Variants in LRP1B observed in about 807,000 individuals in gnomAD.
LRP1B encodes the protein low-density lipoprotein receptor-related protein 1B.
A neutral mutation model predicts 556.6 loss-of-function variants in LRP1B; 217 were observed. The ratio of observed to expected loss-of-function variants is 0.39; its 90% CI spans 0.35 to 0.44. LRP1B has a LOEUF of 0.44. Among genes scored for constraint, LRP1B ranks in the 20% least tolerant of loss-of-function variants. LRP1B has a pLI of 1.00. For synonymous variants in LRP1B, 2,047 were observed against 1,865.8 expected, an observed-to-expected ratio of 1.10 and a Z score of -2.50; for missense variants, 5,053 against 5,620.8, an observed-to-expected ratio of 0.90 and a Z score of 3.23.
At chr2:141,922,293 C>T in intron 1 of LRP1B, among the ~76,000 whole-genome samples, 1 of 152,160 alleles carries the variant, frequency 6.6e-6, no homozygotes, top group East Asian at 1.9e-4. Context: ...TGCTTACCTG[C>T]TCTAAACCAA....
intron 66 of LRP1B, among the ~76,000 whole-genome samples, chr2:140,388,486 A>T (rs1228301095): frequency 1.3e-5 from 2 of 152,080 alleles, no homozygotes; most frequent in South Asian, 2.1e-4. Flanking sequence ...GTTTGTGTTT[A>T]AAAATACCTG....
chr2:141,022,735 A>G (rs1162945016), intron 11 of LRP1B, among the ~76,000 whole-genome samples: 2 of 152,012 alleles, frequency 1.3e-5, no homozygotes, highest in African/African-American at 4.8e-5. Context: ...TCTAATTATT[A>G]GCTTGAGGAA....
Position 141,321,476 on chromosome 2 carries a change from T to C in LRP1B, c.344-66835A>G, listed in dbSNP as rs372889513. On this transcript the variant is annotated intron_variant, in intron 3 of 90. Transcript: ENST00000389484. The stretch of plus-strand genomic sequence containing the variant: ...GGTTGTCTCAAGAAAGAATATGAGG[T>C]CCTTTTTTAACAGTATGAAAAATAG... 9.9e-5 allele frequency among the ~76,000 whole-genome samples: 15 copies of C among 152,222 alleles called. No individual in the cohort carries two copies. In the South Asian group the frequency reaches 2.5e-3, roughly 25 times the overall value.
At chr2:140,748,238 AATAT>A (rs1229830963) in intron 35 of LRP1B, among the ~76,000 whole-genome samples, 2 of 135,280 alleles carry the variant, frequency 1.5e-5, no homozygotes, top group Admixed American at 8.1e-5. Context: ...AATATCCATA[AATAT>A]ATATTCATAT....
rs764826231 is a variant in LRP1B at position 140,256,449 on chromosome 2, C to CTTTTTTTTTTTTTTTTTTTTTTT, written c.13248-9310_13248-9288dup. On this transcript the variant is annotated intron_variant, in intron 86 of 90. Coordinates refer to ENST00000389484, the MANE Select transcript of LRP1B (RefSeq NM_018557.3). Reference sequence around the variant, plus strand: ...GGTTTTCTTTTCTCTTTTTTCCTTCCTTTTTTTTTTTTTTTTTTTTTTTTT... The same window carrying CTTTTTTTTTTTTTTTTTTTTTTT: ...GGTTTTCTTTTCTCTTTTTTCCTTCCTTTTTTTTTTTTTTTTTTTTTTTTTTTTTTTTTTTTTTTTTTTTTTTT... Among the ~76,000 whole-genome samples, 2 of 25,292 alleles carry CTTTTTTTTTTTTTTTTTTTTTTT rather than the reference C, an allele frequency of 7.9e-5. 1 individual carries two copies. Among genetic ancestry groups the CTTTTTTTTTTTTTTTTTTTTTTT allele is most frequent in the African/African-American group, 2.6e-4 (2 of 7,706 alleles). 16.6% of individuals were successfully genotyped at this position (25,292 alleles called of 152,430 possible). A position where few individuals can be genotyped will look rare whatever the true frequency, so the allele number is the denominator to read the frequency against.
intron 1 of LRP1B, among the ~76,000 whole-genome samples, chr2:142,099,215 C>T (rs11691560): frequency 0.67 from 101,946 of 151,658 alleles, 34,419 homozygotes; most frequent in East Asian, 0.71. Context: ...CCAAATTAAA[C>T]GTGATTCCTT....
At position 140,494,298 on chromosome 2, in the gene LRP1B, G is replaced by C. The variant is rs1688822993; in HGVS notation, c.9034+1267C>G. Among the ~76,000 whole-genome samples, 3 of 152,162 alleles carry C rather than the reference G, an allele frequency of 2.0e-5. No homozygotes were observed. In the South Asian group the frequency reaches 6.2e-4, roughly 31 times the overall value. ...AAAGTAATGGAAACATTGGTCATTTGTATGATTTAATCTCTTCTTTTTGTC... is the reference window on the plus strand; with the variant it reads ...AAAGTAATGGAAACATTGGTCATTTCTATGATTTAATCTCTTCTTTTTGTC... On this transcript the variant is annotated intron_variant, in intron 56 of 90. Transcript: ENST00000389484.
intron 5 of LRP1B, among the ~76,000 whole-genome samples, chr2:141,233,619 C>T (rs576790798): frequency 6.6e-6 from 1 of 152,162 alleles, no homozygotes; most frequent in East Asian, 1.9e-4. Flanking sequence ...TTTATCTTCT[C>T]ACAGTCAAAA....
chr2:140,897,941 A>G (rs1029822576), intron 23 of LRP1B, among the ~76,000 whole-genome samples: 49 of 152,102 alleles, frequency 3.2e-4, no homozygotes, highest in Admixed American at 5.9e-4. Flanking sequence ...TCTCCTAATA[A>G]ACCCCACTTC....
At chr2:141,073,802 C>T (rs904861151) in intron 7 of LRP1B, among the ~76,000 whole-genome samples, 1 of 152,056 alleles carries the variant, frequency 6.6e-6, no homozygotes, top group East Asian at 1.9e-4. Flanking sequence ...CTATGTCCAA[C>T]TTATCACCAC....
chr2:140,285,227 A>C (rs1292852007), intron 84 of LRP1B, among the ~76,000 whole-genome samples: 2 of 150,800 alleles, frequency 1.3e-5, no homozygotes, highest in African/African-American at 2.4e-5. Flanking sequence ...AGATATAGAT[A>C]GGTATATGTA....
intron 32 of LRP1B, among the ~76,000 whole-genome samples, chr2:140,811,519 C>T (rs1690924523): frequency 6.6e-6 from 1 of 152,080 alleles, no homozygotes; most frequent in Admixed American, 6.6e-5. Context: ...ATTTTTAACA[C>T]CTTTCCTCTA....
intron 3 of LRP1B, among the ~76,000 whole-genome samples, chr2:141,309,845 T>A (rs910220486): frequency 2.0e-5 from 3 of 151,974 alleles, no homozygotes; most frequent in Non-Finnish European, 4.4e-5. Flanking sequence ...CACTTTTTTT[T>A]ATAAGAAATT....
chr2:140,239,092 T>C (rs1006190735), intron 88 of LRP1B, among the ~76,000 whole-genome samples: 5 of 150,904 alleles, frequency 3.3e-5, no homozygotes, highest in African/African-American at 1.2e-4. Context: ...TATCACTGTA[T>C]TGACATTACT....
intron 49 of LRP1B, among the ~76,000 whole-genome samples, chr2:140,524,760 G>C (rs572659907): frequency 2.6e-4 from 40 of 151,834 alleles, no homozygotes; most frequent in Non-Finnish European, 5.3e-4. Flanking sequence ...ACACAACGAA[G>C]TAAATATGGA....
At chr2:141,019,207 G>A (rs900586486) in intron 12 of LRP1B, among the ~76,000 whole-genome samples, 2 of 151,938 alleles carry the variant, frequency 1.3e-5, no homozygotes, top group Non-Finnish European at 2.9e-5. Context: ...CCAAGAATTG[G>A]ACAAAATATT....
chr2:140,336,633 G>T (rs1681117527), intron 77 of LRP1B, among the ~76,000 whole-genome samples: 1 of 151,574 alleles, frequency 6.6e-6, no homozygotes. Flanking sequence ...ACACATTTAG[G>T]GTAATACTAT....
intron 1 of LRP1B, among the ~76,000 whole-genome samples, chr2:142,081,664 G>A (rs1476600769): frequency 6.6e-6 from 1 of 152,048 alleles, no homozygotes; most frequent in Admixed American, 6.5e-5. Context: ...ATTATTTTAG[G>A]GACTGGTTCT....
At chr2:141,043,341 G>T (rs1442981199) in intron 11 of LRP1B, among the ~76,000 whole-genome samples, 2 of 151,910 alleles carry the variant, frequency 1.3e-5, no homozygotes, top group African/African-American at 4.8e-5. Context: ...TTTACTTGCA[G>T]TATGACTTAC....
Sources: allele counts gnomAD v4.1 joint callset (sites outside exome capture counted in the v4.1 genomes callset), GRCh38; gene constraint gnomAD v4.1.1; transcripts MANE v1.5; gene names NCBI Gene and HGNC (gene_info 2026-07-23, HGNC 2026-07-21).